VNN1: variants seen among roughly 807,000 people sequenced by gnomAD.
VNN1 encodes vanin 1.
VNN1 carries 29 observed loss-of-function variants against 41.9 expected under a neutral mutation model. That is an observed-to-expected ratio of 0.69 (90% CI 0.52 to 0.94). The LOEUF is 0.94. VNN1 is among the 40% of genes least tolerant of loss of function. VNN1 has a pLI of 0.00. For missense variants in VNN1, 637 were observed against 621.1 expected, an observed-to-expected ratio of 1.03 and a Z score of -0.27; for synonymous variants, 233 against 224.4, an observed-to-expected ratio of 1.04 and a Z score of -0.34.
At chr6:132,683,403 G>T (rs1778157196) in intron 6 of VNN1, 81 bp from the exon 7 acceptor site, 41 of 1,397,248 alleles carry the variant, frequency 2.9e-5, no homozygotes, top group Non-Finnish European at 4.0e-5. Context: ...TACTATAACA[G>T]AATGAAGAAA....
At chr6:132,712,549 C>A (rs977986320) in intron 1 of VNN1, among the ~76,000 whole-genome samples, 1 of 152,192 alleles carries the variant, frequency 6.6e-6, no homozygotes. Flanking sequence ...TCTCCTTGAA[C>A]TTTCGCTGAT....
chr6:132,711,154 A>C (rs1180286799), intron 2 of VNN1, among the ~76,000 whole-genome samples: 1 of 152,230 alleles, frequency 6.6e-6, no homozygotes, highest in Non-Finnish European at 1.5e-5. Flanking sequence ...AAGTATGTGA[A>C]TCGACATGAT....
chr6:132,682,931 C>T lies in VNN1; in HGVS notation c.*209G>A, dbSNP rs1030711995. The T allele has an allele frequency of 2.8e-6, 1 of 353,160 alleles. No homozygotes were observed. The highest frequency in any genetic ancestry group is 2.1e-5 in the African/African-American group (1 of 47,344). 21.9% of individuals were successfully genotyped at this position (353,160 alleles called of 1,614,324 possible). On this transcript the variant is annotated 3_prime_UTR_variant, in exon 7 of 7. Coordinates refer to ENST00000367928, the MANE Select transcript of VNN1 (RefSeq NM_004666.3). The stretch of plus-strand genomic sequence containing the variant: ...ATAATTAGCTCACGTCCAAGAAAGA[C>T]CAATGTTCAAATATAGTTTTTTAAA...
chr6:132,713,801 A>T (rs1171362731), intron 1 of VNN1, 25 bp downstream of exon 1: 7 of 1,611,430 alleles, frequency 4.3e-6, no homozygotes, highest in Non-Finnish European at 5.1e-6. Context: ...AATCCAGTAC[A>T]CTGGAGAGAT....
chr6:132,702,509 G>A (rs74658049), intron 2 of VNN1, among the ~76,000 whole-genome samples: 10,665 of 152,180 alleles, frequency 0.07, 390 homozygotes, highest in East Asian at 0.11. Context: ...GCCTTGGAGC[G>A]CACATAACCT....
intron 2 of VNN1, among the ~76,000 whole-genome samples, chr6:132,707,358 T>A (rs1778534133): frequency 6.6e-6 from 1 of 152,122 alleles, no homozygotes; most frequent in Non-Finnish European, 1.5e-5. Flanking sequence ...TGCAAATTAG[T>A]ACAGTCACTG....
intron 3 of VNN1, among the ~76,000 whole-genome samples, chr6:132,693,760 C>A (rs1488947208): frequency 6.6e-6 from 1 of 152,180 alleles, no homozygotes; most frequent in Non-Finnish European, 1.5e-5. Context: ...ATGCATGCGG[C>A]ACTTTCTGAC....
At chr6:132,708,109 A>G (rs1193418476) in intron 2 of VNN1, among the ~76,000 whole-genome samples, 1 of 152,218 alleles carries the variant, frequency 6.6e-6, no homozygotes, top group Non-Finnish European at 1.5e-5. Flanking sequence ...ATTAACAAAA[A>G]CAGTTGAATA....
At chr6:132,691,308 C>T (rs1479279290) in intron 5 of VNN1, among the ~76,000 whole-genome samples, 2 of 152,254 alleles carry the variant, frequency 1.3e-5, no homozygotes, top group Admixed American at 6.5e-5. Context: ...CTGAGATTGT[C>T]AGACTGTCAA....
rs774335656 is a variant in VNN1, at chr6:132,693,984, T to C, written c.534+6A>G. 6.2e-7 allele frequency: 1 copy of C among 1,613,940 alleles called. No homozygotes were observed. Among genetic ancestry groups the C allele is most frequent in the Admixed American group, 1.7e-5 (1 of 60,000 alleles). Reference sequence around the variant, plus strand: ...ACTAATTGGATTATTTGCAAATTAATTTTACCTTATGGTAGCGTGCCACCA... The same window carrying C: ...ACTAATTGGATTATTTGCAAATTAACTTTACCTTATGGTAGCGTGCCACCA... On this transcript the variant is annotated splice_donor_region_variant and intron_variant, in intron 3 of 6. Coordinates refer to ENST00000367928, the MANE Select transcript of VNN1 (RefSeq NM_004666.3).
At chr6:132,703,416 AGTT>A (rs1778475675) in intron 2 of VNN1, among the ~76,000 whole-genome samples, 1 of 152,192 alleles carries the variant, frequency 6.6e-6, no homozygotes, top group Admixed American at 6.5e-5. Context: ...TGGGGGATGA[AGTT>A]AAAGTATGAA....
At chr6:132,704,801 A>T (rs58462224) in intron 2 of VNN1, among the ~76,000 whole-genome samples, 2,905 of 151,308 alleles carry the variant, frequency 0.019, 101 homozygotes, top group African/African-American at 0.067. Flanking sequence ...TAGTGAGACT[A>T]AGAAAAAAAG....
chr6:132,692,635 AT>A (rs1778309595), intron 4 of VNN1, 51 bp from the exon 5 acceptor site: 2 of 1,508,720 alleles, frequency 1.3e-6, no homozygotes, highest in Non-Finnish European at 8.8e-7. Flanking sequence ...GTAAAAAGGG[AT>A]TTCATAATTG....
intron 2 of VNN1, among the ~76,000 whole-genome samples, chr6:132,696,808 GGAGGA>G (rs1333040274): frequency 3.2e-4 from 49 of 150,934 alleles, no homozygotes; most frequent in African/African-American, 1.1e-3. Flanking sequence ...GGAGGGGAGG[GGAGGA>G]GAGGAGAGGA....
At position 132,697,818 on chromosome 6, in the gene VNN1, G is replaced by C. The variant is rs757402379; in HGVS notation, c.342-3636C>G. Among the ~76,000 whole-genome samples the C allele has an allele frequency of 1.1e-4, 16 of 152,234 alleles. No homozygotes were observed. The East Asian group carries it at 1.3e-3, about 13-fold the overall frequency. On this transcript the variant is annotated intron_variant, in intron 2 of 6. Coordinates refer to ENST00000367928, the MANE Select transcript of VNN1 (RefSeq NM_004666.3). ...TGTAAGAAAGAACAACCGTTCAATA[G>C]TTTAACCCACCTTTGCTTCAATTGA... is the stretch of plus-strand genomic sequence containing the variant.
chr6:132,712,863 G>A (rs1030028652), intron 1 of VNN1, among the ~76,000 whole-genome samples: 3 of 152,288 alleles, frequency 2.0e-5, no homozygotes, highest in Middle Eastern at 3.4e-3. Context: ...GGGCAGTCAC[G>A]GTAGCTCATG....
intron 2 of VNN1, among the ~76,000 whole-genome samples, chr6:132,696,631 T>A (rs1778376079): frequency 6.6e-6 from 1 of 151,866 alleles, no homozygotes; most frequent in South Asian, 2.1e-4. Context: ...TCAATAACTT[T>A]GGAGACCACA....
intron 2 of VNN1, chr6:132,698,998 T>C (rs1213321956): frequency 1.6e-5 from 3 of 192,712 alleles, no homozygotes; most frequent in South Asian, 1.0e-4. Context: ...ACAAAGGCAT[T>C]TTCTCTGTGA....
intron 2 of VNN1, chr6:132,699,128 G>A: frequency 3.1e-6 from 1 of 322,854 alleles, no homozygotes; most frequent in Non-Finnish European, 6.2e-6. Context: ...TGTCCCATTG[G>A]CAACTGATGT....
Sources: gnomAD v4.1 joint callset for allele counts (sites outside exome capture counted in the v4.1 genomes callset) on GRCh38, gnomAD v4.1.1 for gene constraint, MANE v1.5 for transcripts, NCBI Gene and HGNC (gene_info 2026-07-23, HGNC 2026-07-21) for gene names.